Variants in ARB2A observed in about 807,000 individuals in gnomAD.
ARB2A encodes ARB2 cotranscriptional regulator A, also known as cotranscriptional regulator ARB2A.
chr5:94,048,510 T>C, the ARB2A span, among the ~76,000 whole-genome samples: 1 of 152,218 alleles, frequency 6.6e-6, no homozygotes, highest in Non-Finnish European at 1.5e-5. Context: ...CAGTCATGGA[T>C]GCTGTCAGAT....
chr5:93,706,152 T>C, the ARB2A span, among the ~76,000 whole-genome samples: 1 of 152,216 alleles, frequency 6.6e-6, no homozygotes, highest in Admixed American at 6.5e-5. Context: ...CAAATGTCTT[T>C]CATTTGATGA....
the ARB2A span, among the ~76,000 whole-genome samples, chr5:93,756,623 C>A: frequency 6.6e-6 from 1 of 152,134 alleles, no homozygotes; most frequent in Admixed American, 6.5e-5. Flanking sequence ...AGAGAGACAA[C>A]AATCACTGCA....
At chr5:93,975,316 C>CAAAAA in the ARB2A span, among the ~76,000 whole-genome samples, 2 of 61,858 alleles carry the variant, frequency 3.2e-5, no homozygotes, top group Non-Finnish European at 3.1e-5. Context: ...GACTCCATCT[C>CAAAAA]AAAAAAAAAA....
At chr5:93,887,283 T>A in the ARB2A span, among the ~76,000 whole-genome samples, 1 of 149,956 alleles carries the variant, frequency 6.7e-6, no homozygotes, top group African/African-American at 2.4e-5. Flanking sequence ...AAAGAAAATT[T>A]CACAAACAAA....
At chr5:94,079,560 A>G in the ARB2A span, among the ~76,000 whole-genome samples, 1 of 152,214 alleles carries the variant, frequency 6.6e-6, no homozygotes, top group Non-Finnish European at 1.5e-5. Flanking sequence ...CAGCCAAACA[A>G]CACAACTTCA....
the ARB2A span, among the ~76,000 whole-genome samples, chr5:94,076,322 T>A: frequency 6.6e-6 from 1 of 152,222 alleles, no homozygotes; most frequent in Non-Finnish European, 1.5e-5. Flanking sequence ...CCCTTTCACT[T>A]AGCATAAGTG....
chr5:93,680,382 C>T, the ARB2A span, among the ~76,000 whole-genome samples: 1 of 151,956 alleles, frequency 6.6e-6, no homozygotes, highest in Non-Finnish European at 1.5e-5. Flanking sequence ...CTAGAAGAAA[C>T]AGAGTCTCAG....
the ARB2A span, among the ~76,000 whole-genome samples, chr5:93,857,446 A>G: frequency 6.6e-6 from 1 of 151,972 alleles, no homozygotes; most frequent in Non-Finnish European, 1.5e-5. Context: ...ACCCAGTTCG[A>G]GCTTCCCGAC....
chr5:93,881,888 A>G, the ARB2A span, among the ~76,000 whole-genome samples: 4 of 151,368 alleles, frequency 2.6e-5, no homozygotes, highest in African/African-American at 9.7e-5. Flanking sequence ...GTATATAAAT[A>G]AGCTTTTATT....
At chr5:94,036,520 T>C in the ARB2A span, among the ~76,000 whole-genome samples, 1 of 152,224 alleles carries the variant, frequency 6.6e-6, no homozygotes, top group Non-Finnish European at 1.5e-5. Context: ...ATATGAAAAG[T>C]CCTGTTTCTC....
At chr5:93,838,129 A>G in the ARB2A span, among the ~76,000 whole-genome samples, 1 of 152,082 alleles carries the variant, frequency 6.6e-6, no homozygotes, top group Non-Finnish European at 1.5e-5. Flanking sequence ...AAGGGTTTTT[A>G]TAGTTTTAAG....
At chr5:93,942,696 TTTAAATA>T in the ARB2A span, among the ~76,000 whole-genome samples, 1 of 151,588 alleles carries the variant, frequency 6.6e-6, no homozygotes, top group African/African-American at 2.4e-5. Flanking sequence ...GTAATATCTT[TTTAAATA>T]TTAAAGTAAA....
At chr5:93,871,693 T>C in the ARB2A span, among the ~76,000 whole-genome samples, 2 of 152,190 alleles carry the variant, frequency 1.3e-5, no homozygotes, top group African/African-American at 2.4e-5. Flanking sequence ...ATTTTAAAAA[T>C]ACAGTTATTT....
chr5:93,684,077 T>C, the ARB2A span, among the ~76,000 whole-genome samples: 1 of 152,196 alleles, frequency 6.6e-6, no homozygotes, highest in Non-Finnish European at 1.5e-5. Context: ...ATGATAGCAA[T>C]GACCGTGTCA....
chr5:93,921,218 GC>G, the ARB2A span, among the ~76,000 whole-genome samples: 3 of 150,632 alleles, frequency 2.0e-5, no homozygotes, highest in African/African-American at 7.3e-5. Context: ...GCCAGCAGGT[GC>G]AAAGCCCTTC....
chr5:93,778,651 A>G, the ARB2A span, among the ~76,000 whole-genome samples: 1 of 152,166 alleles, frequency 6.6e-6, no homozygotes, highest in East Asian at 1.9e-4. Flanking sequence ...ATTATTATTC[A>G]TCCAACTAGT....
chr5:93,810,146 C>T, the ARB2A span, among the ~76,000 whole-genome samples: 2 of 150,400 alleles, frequency 1.3e-5, no homozygotes, highest in Admixed American at 1.3e-4. Flanking sequence ...GTTCCTTCAC[C>T]AATTAAAAAT....
At chr5:94,096,857 G>A in the ARB2A span, among the ~76,000 whole-genome samples, 6 of 152,166 alleles carry the variant, frequency 3.9e-5, no homozygotes, top group South Asian at 4.1e-4. Context: ...CAGGGTTACT[G>A]AGCACCAGGA....
chr5:93,964,541 A>G, the ARB2A span: 3 of 1,539,064 alleles, frequency 1.9e-6, no homozygotes, highest in Non-Finnish European at 2.6e-6. Context: ...GGAAAGAAAT[A>G]ACACATTAAG....
Sources: gnomAD v4.1 joint callset for allele counts (sites outside exome capture counted in the v4.1 genomes callset) on GRCh38, gnomAD v4.1.1 for gene constraint, MANE v1.5 for transcripts, NCBI Gene and HGNC (gene_info 2026-07-23, HGNC 2026-07-21) for gene names.